Variants in CHST12 observed in about 807,000 individuals in gnomAD.
CHST12 encodes carbohydrate (chondroitin 4) sulfotransferase 12.
In CHST12, 23 loss-of-function variants were observed where a neutral mutation model predicts 27.9. The ratio of observed to expected loss-of-function variants is 0.82; its 90% CI spans 0.59 to 1.17. CHST12 has a LOEUF of 1.17. CHST12 is among the 50% of genes most tolerant of loss of function. The pLI is 0.00. For synonymous variants in CHST12, 322 were observed against 273.0 expected, an observed-to-expected ratio of 1.18 and a Z score of -1.77; for missense variants, 682 against 603.0, an observed-to-expected ratio of 1.13 and a Z score of -1.37.
intron 1 of CHST12, among the ~76,000 whole-genome samples, chr7:2,408,879 G>C (rs545259695): frequency 6.6e-6 from 1 of 152,310 alleles, no homozygotes; most frequent in South Asian, 2.1e-4. Context: ...GACATGTCCT[G>C]ACCCCAGCTG....
At chr7:2,417,545 A>G (rs572631101) in intron 1 of CHST12, among the ~76,000 whole-genome samples, 1 of 151,922 alleles carries the variant, frequency 6.6e-6, no homozygotes, top group Non-Finnish European at 1.5e-5. Flanking sequence ...ATGTGCCACC[A>G]GGCCTGACTA....
chr7:2,441,344 G>A lies in CHST12; in HGVS notation c.*7460G>A, dbSNP rs998676873. ...CCCCTGGGCTGGAGTTCATCTTTTA[G>A]GCAAATTTGGAATAGGAACCTTAAA... is the stretch of plus-strand genomic sequence containing the variant. On this transcript the variant is annotated 3_prime_UTR_variant, in exon 2 of 2. Coordinates refer to ENST00000618655, the MANE Select transcript of CHST12 (RefSeq NM_018641.5). 6.6e-6 allele frequency: 1 copy of A among 152,094 alleles called. No individual in the cohort carries two copies. Among genetic ancestry groups the A allele is most frequent in the Admixed American group, 6.6e-5 (1 of 15,252 alleles). The allele number at this position is 152,094 out of a possible 1,614,324, so 9.4% of individuals were successfully genotyped here. A position where few individuals can be genotyped will look rare whatever the true frequency, so the allele number is the denominator to read the frequency against.
intron 1 of CHST12, among the ~76,000 whole-genome samples, chr7:2,431,963 A>G (rs1782279483): frequency 6.6e-6 from 1 of 151,996 alleles, no homozygotes; most frequent in Non-Finnish European, 1.5e-5. Context: ...GAAAGATTAC[A>G]GAGCTCACTG....
In CHST12 at chr7:2,447,904, C is replaced by G. The variant is rs1157970489; in HGVS notation, c.*14020C>G. ...TTGTTGTTGTTGAGGCAGAGCCTCA[C>G]TCTGTCGCCCAGGCAGGAGTGCAGT... is the stretch of plus-strand genomic sequence containing the variant. On this transcript the variant is annotated 3_prime_UTR_variant, in exon 2 of 2. Coordinates refer to ENST00000618655, the MANE Select transcript of CHST12 (RefSeq NM_018641.5). 6.6e-6 allele frequency: 1 copy of G among 152,256 alleles called. No homozygotes were observed. The highest frequency in any genetic ancestry group is 1.5e-5 in the Non-Finnish European group (1 of 68,042). The allele number at this position is 152,256 out of a possible 1,614,324, so 9.4% of individuals were successfully genotyped here. A position where few individuals can be genotyped will look rare whatever the true frequency, so the allele number is the denominator to read the frequency against.
rs1782755719 is a variant in CHST12, at chr7:2,446,517, G to C, written c.*12633G>C. The stretch of plus-strand genomic sequence containing the variant: ...ACGGAGCCACGACCTGTCCCTCAGG[G>C]CTCAGCGCTGCGGCTATGTCCAGGG... On this transcript the variant is annotated 3_prime_UTR_variant, in exon 2 of 2. Coordinates refer to ENST00000618655, the MANE Select transcript of CHST12 (RefSeq NM_018641.5). 2 of 152,828 alleles carry C rather than the reference G, an allele frequency of 1.3e-5. No individual in the cohort carries two copies. The highest frequency in any genetic ancestry group is 4.1e-4 in the South Asian group (2 of 4,828). The allele number at this position is 152,828 out of a possible 1,614,324, so 9.5% of individuals were successfully genotyped here.
chr7:2,411,102 TCTCA>T (rs1230321907), intron 1 of CHST12, among the ~76,000 whole-genome samples: 2 of 150,862 alleles, frequency 1.3e-5, no homozygotes, highest in Non-Finnish European at 3.0e-5. Flanking sequence ...TGAGATGAGA[TCTCA>T]CTCTGTCATC....
rs932350202 is a variant in CHST12, at chr7:2,433,992, C to T, written c.*108C>T. ...TCTGGGCTTCTTGTTCACTCCACTG[C>T]CTCTATCCATTGAGTACTGTATCGA... On this transcript the variant is annotated 3_prime_UTR_variant, in exon 2 of 2. Transcript: ENST00000618655. The surrounding 1 kb of genome is among the most constrained non-coding windows in gnomAD (Gnocchi z 6.1). 3 of 845,258 alleles carry T rather than the reference C, an allele frequency of 3.5e-6. No homozygotes were observed. Among genetic ancestry groups the T allele is most frequent in the Non-Finnish European group, 5.7e-6 (3 of 527,408 alleles). 52.4% of individuals were successfully genotyped at this position (845,258 alleles called of 1,614,324 possible). A position where few individuals can be genotyped will look rare whatever the true frequency, so the allele number is the denominator to read the frequency against.
chr7:2,405,169 G>T (rs1016970185), intron 1 of CHST12, among the ~76,000 whole-genome samples: 21 of 152,292 alleles, frequency 1.4e-4, no homozygotes, highest in Admixed American at 9.2e-4. Flanking sequence ...GGAAGGCCGG[G>T]CGAGGTGGCT....
rs1276747843 is a variant in CHST12, at chr7:2,434,942, G to C, written c.*1058G>C. Reference sequence around the variant, plus strand: ...CATCTCTACAAAAAATAAAAAGGACGTGGTGGTGCACATCTGTAAACCCAG... The same window carrying C: ...CATCTCTACAAAAAATAAAAAGGACCTGGTGGTGCACATCTGTAAACCCAG... On this transcript the variant is annotated 3_prime_UTR_variant, in exon 2 of 2. Transcript: ENST00000618655. 1.3e-5 allele frequency: 2 copies of C among 152,052 alleles called. No individual in the cohort carries two copies. The highest frequency in any genetic ancestry group is 1.3e-4 in the Admixed American group (2 of 15,210). The allele number at this position is 152,052 out of a possible 1,614,324, so 9.4% of individuals were successfully genotyped here.
intron 1 of CHST12, among the ~76,000 whole-genome samples, chr7:2,422,432 C>A (rs1782001881): frequency 1.3e-5 from 2 of 151,578 alleles, no homozygotes; most frequent in African/African-American, 4.9e-5. Context: ...TTAGTAGAGA[C>A]AGGGTTTCTC....
intron 1 of CHST12, among the ~76,000 whole-genome samples, chr7:2,404,918 G>A (rs1781483514): frequency 6.6e-6 from 1 of 152,200 alleles, no homozygotes. Flanking sequence ...CGTGGGCCTT[G>A]CCCTGGGAGC....
At chr7:2,431,947 T>G (rs1237285633) in intron 1 of CHST12, among the ~76,000 whole-genome samples, 1 of 151,904 alleles carries the variant, frequency 6.6e-6, no homozygotes, top group Non-Finnish European at 1.5e-5. Context: ...GTTTGATGAT[T>G]TGCTAGAAAG....
At chr7:2,411,410 C>T (rs1781661191) in intron 1 of CHST12, among the ~76,000 whole-genome samples, 1 of 151,646 alleles carries the variant, frequency 6.6e-6, no homozygotes, top group South Asian at 2.1e-4. Flanking sequence ...CATGTAAAGC[C>T]CCAAGCAGGT....
Position 2,433,886 on chromosome 7 carries a change from A to G in CHST12, c.*2A>G, listed in dbSNP as rs767830389. ...CCCGAAAACCTCCTCCGAGACTGAA[A>G]GCTTTCGCGTTGCTTTTTCTCGCGT... On this transcript the variant is annotated 3_prime_UTR_variant, in exon 2 of 2. Coordinates refer to ENST00000618655, the MANE Select transcript of CHST12 (RefSeq NM_018641.5). This position sits in a 1 kb window ranked among gnomAD's most constrained non-coding sequence, Gnocchi z 6.1. 2.0e-4 allele frequency: 307 copies of G among 1,557,382 alleles called. No individual in the cohort carries two copies. Among genetic ancestry groups the G allele is most frequent in the Non-Finnish European group, 2.6e-4 (304 of 1,148,880 alleles).
intron 1 of CHST12, among the ~76,000 whole-genome samples, chr7:2,429,823 C>G (rs1015654429): frequency 1.3e-5 from 2 of 151,974 alleles, no homozygotes; most frequent in African/African-American, 4.8e-5. Flanking sequence ...CTTGCTAAGA[C>G]CAAGGCTGGA....
chr7:2,413,133 G>C (rs1452058699), intron 1 of CHST12, among the ~76,000 whole-genome samples: 1 of 152,212 alleles, frequency 6.6e-6, no homozygotes, highest in Non-Finnish European at 1.5e-5. Flanking sequence ...TTCTTCTTTT[G>C]TAGATGGACT....
At chr7:2,405,436 A>G (rs1781497759) in intron 1 of CHST12, among the ~76,000 whole-genome samples, 1 of 152,130 alleles carries the variant, frequency 6.6e-6, no homozygotes, top group Admixed American at 6.6e-5. Flanking sequence ...AGAGTAAAAA[A>G]AAGACTGGAA....
rs779052191 is a variant in CHST12, at chr7:2,434,118, CCGCCCGCT to C, written c.*252_*259del. 726 of 353,716 alleles carry C rather than the reference CCGCCCGCT, an allele frequency of 2.1e-3. 4 individuals are homozygous for C. The highest frequency in any genetic ancestry group is 6.2e-3 in the East Asian group (113 of 18,298). The allele number at this position is 353,716 out of a possible 1,614,324, so 21.9% of individuals were successfully genotyped here. A position where few individuals can be genotyped will look rare whatever the true frequency, so the allele number is the denominator to read the frequency against. On this transcript the variant is annotated 3_prime_UTR_variant, in exon 2 of 2. Transcript: ENST00000618655. ...CTCTCCCCTCCGCCCGCCCACCCGC[CCGCCCGCT>C]CGCCCGCTCGCCCGCTCCTGTGGTT...
intron 1 of CHST12, among the ~76,000 whole-genome samples, chr7:2,428,287 C>A (rs748500412): frequency 6.6e-6 from 1 of 151,216 alleles, no homozygotes; most frequent in South Asian, 2.1e-4. Flanking sequence ...CTCTGCCTCT[C>A]GGGTTCAAGT....
Sources: gnomAD v4.1 joint callset for allele counts (sites outside exome capture counted in the v4.1 genomes callset) on GRCh38, gnomAD v4.1.1 for gene constraint, Gnocchi (gnomAD v3.1) non-coding constraint, MANE v1.5 for transcripts, NCBI Gene and HGNC (gene_info 2026-07-23, HGNC 2026-07-21) for gene names.